AVL9: variants seen among roughly 807,000 people sequenced by gnomAD.
AVL9 encodes the protein AVL9 cell migration associated.
Under a neutral mutation model 79.2 loss-of-function variants are expected in AVL9, and 49 were observed. The observed-to-expected ratio is 0.62, with a 90% CI of 0.49 to 0.79. AVL9 has a LOEUF of 0.79. Ranked by LOEUF, AVL9 falls within the 30% of genes least tolerant of loss-of-function variation. The pLI is 0.00. For synonymous variants in AVL9, 299 were observed against 280.6 expected, an observed-to-expected ratio of 1.07 and a Z score of -0.65; for missense variants, 682 against 776.8, an observed-to-expected ratio of 0.88 and a Z score of 1.45.
intron 1 of AVL9, among the ~76,000 whole-genome samples, chr7:32,498,237 A>ATTTTTTTTT: frequency 1.1e-5 from 1 of 89,814 alleles, no homozygotes; most frequent in Non-Finnish European, 2.0e-5. Context: ...AAGTCCTCAG[A>ATTTTTTTTT]TTTTTTTTTT....
intron 1 of AVL9, among the ~76,000 whole-genome samples, chr7:32,507,245 C>A (rs1323831097): frequency 6.6e-6 from 1 of 152,068 alleles, no homozygotes; most frequent in East Asian, 1.9e-4. Flanking sequence ...TAGGCACATT[C>A]TTTAAAAGAA....
rs1790921407 is a variant in AVL9, at chr7:32,572,867, T to C, written c.1351-332T>C. 2.0e-5 allele frequency among the ~76,000 whole-genome samples: 3 copies of C among 151,756 alleles called. 1 individual carries two copies. The highest frequency in any genetic ancestry group is 4.2e-4 in the South Asian group (2 of 4,808). ...AAAAGAAAAAGTATTTAAGGAATTA[T>C]ACTTGTTAAATGTGTTCATTTCTGC... On this transcript the variant is annotated intron_variant, in intron 11 of 15. Coordinates refer to ENST00000318709, the MANE Select transcript of AVL9 (RefSeq NM_015060.3).
chr7:32,526,918 G>A (rs550683300), intron 1 of AVL9, among the ~76,000 whole-genome samples: 10 of 152,166 alleles, frequency 6.6e-5, no homozygotes, highest in Non-Finnish European at 1.2e-4. Flanking sequence ...TCCCCACTGC[G>A]GCACAAATTT....
At chr7:32,510,560 T>C (rs1307542718) in intron 1 of AVL9, among the ~76,000 whole-genome samples, 57 of 124,450 alleles carry the variant, frequency 4.6e-4, no homozygotes, top group Admixed American at 5.6e-4. Context: ...AAGCCATCTC[T>C]CCAGGGTAAG....
chr7:32,509,436 T>C (rs961123998), intron 1 of AVL9, among the ~76,000 whole-genome samples: 6 of 152,168 alleles, frequency 3.9e-5, no homozygotes, highest in African/African-American at 1.4e-4. Context: ...TCAACACAAC[T>C]TACCCTACTT....
In AVL9 at chr7:32,588,391, T is replaced by G. The variant is rs1415673477; in HGVS notation, c.*4484T>G. On this transcript the variant is annotated 3_prime_UTR_variant, in exon 16 of 16. Coordinates refer to ENST00000318709, the MANE Select transcript of AVL9 (RefSeq NM_015060.3). ...CTGAATTTAGAAAACATTGGATTAA[T>G]GAGTTGGTGAAGGCATTTAGTGGTT... The G allele has an allele frequency of 6.6e-6, 1 of 152,216 alleles. No homozygotes were observed. Among genetic ancestry groups the G allele is most frequent in the African/African-American group, 2.4e-5 (1 of 41,464 alleles). 9.4% of individuals were successfully genotyped at this position (152,216 alleles called of 1,614,324 possible).
At chr7:32,563,554 T>G (rs1253220409) in intron 10 of AVL9, among the ~76,000 whole-genome samples, 1 of 149,860 alleles carries the variant, frequency 6.7e-6, no homozygotes, top group Non-Finnish European at 1.5e-5. Context: ...GATTCTGAAT[T>G]CTTGCCATCT....
At chr7:32,533,110 C>A (rs1788741187) in intron 1 of AVL9, 1 of 152,134 alleles carries the variant, frequency 6.6e-6, no homozygotes, top group African/African-American at 2.4e-5. Context: ...AGTTCAAGAC[C>A]AGCCTGGCCA....
At chr7:32,507,468 C>G (rs1380157924) in intron 1 of AVL9, among the ~76,000 whole-genome samples, 2 of 152,194 alleles carry the variant, frequency 1.3e-5, no homozygotes, top group African/African-American at 4.8e-5. Context: ...ATAGATTACT[C>G]TGTTTCTTCA....
Position 32,561,210 on chromosome 7 carries a change from T to C in AVL9, c.1215+1746T>C, listed in dbSNP as rs115543114. Among the ~76,000 whole-genome samples the C allele has an allele frequency of 7.6e-3, 1,162 of 152,350 alleles. 13 individuals carry two copies. Among genetic ancestry groups the C allele is most frequent in the African/African-American group, 0.024 (1,017 of 41,582 alleles). ...TCCTTTGAAGCTTTAAAGCCAGGCA[T>C]TGACTTCTTCCCTACCTACAAAAGT... On this transcript the variant is annotated intron_variant, in intron 10 of 15. Transcript: ENST00000318709.
intron 10 of AVL9, chr7:32,562,606 C>T (rs549156221): frequency 1.7e-4 from 166 of 983,022 alleles, no homozygotes; most frequent in Non-Finnish European, 1.9e-4. Context: ...TAAGATGAAG[C>T]AGTCAACTTC....
chr7:32,582,314 G>C (rs1438620859), intron 15 of AVL9, among the ~76,000 whole-genome samples: 2 of 152,126 alleles, frequency 1.3e-5, no homozygotes, highest in Non-Finnish European at 2.9e-5. Context: ...AAAAGCCCCA[G>C]AACTAAGTAA....
rs1280020095 is a variant in AVL9 at position 32,584,942 on chromosome 7, G to C, written c.*1035G>C. The C allele has an allele frequency of 6.6e-6, 1 of 152,060 alleles. No homozygotes were observed. Among genetic ancestry groups the C allele is most frequent in the East Asian group, 1.9e-4 (1 of 5,186 alleles). 9.4% of individuals were successfully genotyped at this position (152,060 alleles called of 1,614,324 possible). A position where few individuals can be genotyped will look rare whatever the true frequency, so the allele number is the denominator to read the frequency against. On this transcript the variant is annotated 3_prime_UTR_variant, in exon 16 of 16. Transcript: ENST00000318709. Reference sequence around the variant, plus strand: ...GCGCCACCATGCCCAGCTAATTATTGTATTTTTAGTAGAGACGGGGTTTTG... The same window carrying C: ...GCGCCACCATGCCCAGCTAATTATTCTATTTTTAGTAGAGACGGGGTTTTG...
chr7:32,520,700 TGA>T (rs1359115423), intron 1 of AVL9, among the ~76,000 whole-genome samples: 4 of 152,300 alleles, frequency 2.6e-5, no homozygotes, highest in Non-Finnish European at 5.9e-5. Context: ...AATTTTGGGC[TGA>T]GAGGGGCACC....
In AVL9 at chr7:32,583,975, G is replaced by A; in HGVS notation, c.*68G>A. The A allele has an allele frequency of 9.1e-7, 1 of 1,093,308 alleles. No homozygotes were observed. Among genetic ancestry groups the A allele is most frequent in the Non-Finnish European group, 1.4e-6 (1 of 711,904 alleles). 67.7% of individuals were successfully genotyped at this position (1,093,308 alleles called of 1,614,324 possible). A position where few individuals can be genotyped will look rare whatever the true frequency, so the allele number is the denominator to read the frequency against. On this transcript the variant is annotated 3_prime_UTR_variant, in exon 16 of 16. Coordinates refer to ENST00000318709, the MANE Select transcript of AVL9 (RefSeq NM_015060.3). ...TCCCCTGTCTGTCTGCTGCTCCCAG[G>A]CTGTTACTAGCCACAGATCCACAGC...
intron 13 of AVL9, among the ~76,000 whole-genome samples, chr7:32,577,828 A>G (rs1185148826): frequency 6.6e-6 from 1 of 152,192 alleles, no homozygotes; most frequent in Non-Finnish European, 1.5e-5. Flanking sequence ...TTGTTAACTG[A>G]AATATATAGG....
rs376618148 is a variant in AVL9, at chr7:32,587,251, A to G, written c.*3344A>G. The G allele has an allele frequency of 1.4e-4, 21 of 152,240 alleles. No homozygotes were observed. Among genetic ancestry groups the G allele is most frequent in the African/African-American group, 5.1e-4 (21 of 41,456 alleles). 9.4% of individuals were successfully genotyped at this position (152,240 alleles called of 1,614,324 possible). On this transcript the variant is annotated 3_prime_UTR_variant, in exon 16 of 16. Coordinates refer to ENST00000318709, the MANE Select transcript of AVL9 (RefSeq NM_015060.3). ...AGATGCTTAAAATCTGAATGGAAGT[A>G]TTTTGAGAGCAGTATTTCATGTGCT...
chr7:32,530,666 G>T (rs1788607608), intron 1 of AVL9, among the ~76,000 whole-genome samples: 1 of 152,154 alleles, frequency 6.6e-6, no homozygotes. Context: ...GAATTTATTT[G>T]GCCAGGCACG....
At chr7:32,512,547 G>A (rs6968990) in intron 1 of AVL9, among the ~76,000 whole-genome samples, 91,600 of 152,016 alleles carry the variant, frequency 0.6, 27,647 homozygotes, top group Non-Finnish European at 0.62. Flanking sequence ...GCCTCCTCCT[G>A]TGTCTCTGGA....
Sources: allele counts gnomAD v4.1 joint callset (sites outside exome capture counted in the v4.1 genomes callset), GRCh38; gene constraint gnomAD v4.1.1; transcripts MANE v1.5; gene names NCBI Gene and HGNC (gene_info 2026-07-23, HGNC 2026-07-21).